Variants in GRID2IP observed in about 807,000 individuals in gnomAD.
GRID2IP encodes delphilin.
GRID2IP carries 78 observed loss-of-function variants against 114.3 expected under a neutral mutation model. The observed-to-expected ratio is 0.68, with a 90% CI of 0.57 to 0.82. GRID2IP has a LOEUF of 0.82. Ranked by LOEUF, GRID2IP falls within the 40% of genes least tolerant of loss-of-function variation. The probability of loss-of-function intolerance (pLI) is 0.00; values close to 1 mark genes in which losing one functional copy is unlikely to be tolerated. For missense variants in GRID2IP, 1,727 were observed against 1,678.5 expected, an observed-to-expected ratio of 1.03 and a Z score of -0.51; for synonymous variants, 809 against 724.0, an observed-to-expected ratio of 1.12 and a Z score of -1.89.
Position 6,508,323 on chromosome 7 carries a change from C to T in GRID2IP, c.2206G>A (p.Glu736Lys). ...SASDCISSSE[E>K]GSSLTYSSIS... ...GAGGAGTAGGTCAGGGAGCTGCCTT[C>T]TTCACTGCTGCTGATGCAGTCGCTG... The change falls in exon 13 of 22, where the codon GAA becomes AAA. Residue 736 changes from glutamate (E) to lysine (K), a missense_variant. By Grantham distance (56) the Glu-to-Lys change is moderately conservative. Coordinates refer to ENST00000457091, the MANE Select transcript of GRID2IP (RefSeq NM_001145118.2). The surrounding 1 kb of genome is among the most constrained non-coding windows in gnomAD (Gnocchi z 5.6). 1 of 1,551,292 alleles carries T rather than the reference C, an allele frequency of 6.4e-7. No homozygotes were observed. The highest frequency in any genetic ancestry group is 2.4e-5 in the East Asian group (1 of 40,912).
intron 1 of GRID2IP, among the ~76,000 whole-genome samples, chr7:6,543,439 G>T (rs1326476190): frequency 1.3e-5 from 2 of 150,200 alleles, no homozygotes; most frequent in Admixed American, 1.3e-4. Context: ...CAAATCACCA[G>T]GCCACAGACA....
intron 2 of GRID2IP, among the ~76,000 whole-genome samples, chr7:6,533,244 C>T (rs1387911661): frequency 2.0e-5 from 3 of 152,294 alleles, no homozygotes; most frequent in Non-Finnish European, 2.9e-5. Context: ...CAGTGCCCTA[C>T]TTGAGACACC....
At chr7:6,505,556 C>T (rs534995085) in intron 14 of GRID2IP, among the ~76,000 whole-genome samples, 1 of 152,146 alleles carries the variant, frequency 6.6e-6, no homozygotes, top group East Asian at 1.9e-4. Flanking sequence ...TCGGTAGAGA[C>T]AAGGGTTTCG....
rs966400424 is a variant in GRID2IP, at chr7:6,532,001, G to A, written c.585-5232C>T. On this transcript the variant is annotated intron_variant, in intron 2 of 21. Transcript: ENST00000457091. This position sits in a 1 kb window ranked among gnomAD's most constrained non-coding sequence, Gnocchi z 4.4. The stretch of plus-strand genomic sequence containing the variant: ...GGGAGCGAGTAGAGGGCCTCCCAGA[G>A]CTGCGCCTCTTGCTCTGCCAGGAGA... Among the ~76,000 whole-genome samples, 24 of 152,312 alleles carry A rather than the reference G, an allele frequency of 1.6e-4. No homozygotes were observed. Among genetic ancestry groups the A allele is most frequent in the Non-Finnish European group, 1.5e-4 (10 of 68,024 alleles).
chr7:6,525,867 C>T (rs546607922), intron 4 of GRID2IP, among the ~76,000 whole-genome samples: 13 of 152,212 alleles, frequency 8.5e-5, no homozygotes, highest in African/African-American at 2.9e-4. Flanking sequence ...GCAGCTCAGT[C>T]CTGGCTGCCC....
At position 6,534,569 on chromosome 7, in the gene GRID2IP, G is replaced by C. The variant is rs929385047; in HGVS notation, c.584+5149C>G. Among the ~76,000 whole-genome samples the C allele has an allele frequency of 5.3e-5, 8 of 152,198 alleles. No individual in the cohort carries two copies. Among genetic ancestry groups the C allele is most frequent in the African/African-American group, 1.9e-4 (8 of 41,444 alleles). Reference sequence around the variant, plus strand: ...GCAGCGCTGTCCAAGGGAACGTTCTGTGACGATGGACAAGGTCTACATCCG... The same window carrying C: ...GCAGCGCTGTCCAAGGGAACGTTCTCTGACGATGGACAAGGTCTACATCCG... On this transcript the variant is annotated intron_variant, in intron 2 of 21. Transcript: ENST00000457091. The surrounding 1 kb of genome is among the most constrained non-coding windows in gnomAD (Gnocchi z 4.5).
chr7:6,498,581 T>TC (rs1786327107), intron 20 of GRID2IP, among the ~76,000 whole-genome samples: 1 of 144,448 alleles, frequency 6.9e-6, no homozygotes, highest in Non-Finnish European at 1.5e-5. Flanking sequence ...ACTTTTTTTT[T>TC]TTTTTTTTTT....
At chr7:6,522,104 C>T (rs1050940731) in intron 4 of GRID2IP, 147 bp from the exon 5 acceptor site, 4 of 633,656 alleles carry the variant, frequency 6.3e-6, no homozygotes, top group African/African-American at 1.8e-5. Flanking sequence ...AACCTCAGCA[C>T]TTTGGGAGGC....
intron 1 of GRID2IP, among the ~76,000 whole-genome samples, chr7:6,549,282 T>C (rs1461316045): frequency 6.6e-6 from 1 of 152,214 alleles, no homozygotes; most frequent in Non-Finnish European, 1.5e-5. Context: ...CCTCTTTCCA[T>C]CCCAGCCCTG....
intron 20 of GRID2IP, among the ~76,000 whole-genome samples, 165 bp from the exon 21 acceptor site, chr7:6,498,393 T>C (rs1483547761): frequency 1.3e-5 from 2 of 151,896 alleles, no homozygotes; most frequent in Non-Finnish European, 2.9e-5. Context: ...TCAGGGACTC[T>C]AGTCCCACTG....
Position 6,501,843 on chromosome 7 carries a change from T to G in GRID2IP, c.3337A>C (p.Ile1113Leu). ...GAAATGCTCTGGCAGGCATCCTGTA[T>G]CTCGCTGATAGTGCCATGGAGGTCA... is the stretch of plus-strand genomic sequence containing the variant. The part of the protein sequence containing the change: ...LADLHGTISE[I>L]QDACQSISPS... The change falls in exon 20 of 22, where the codon ATA becomes CTA. Residue 1113 changes from isoleucine (I) to leucine (L), a missense_variant. Coordinates refer to ENST00000457091, the MANE Select transcript of GRID2IP (RefSeq NM_001145118.2). 2 of 1,551,560 alleles carry G rather than the reference T, an allele frequency of 1.3e-6. No individual in the cohort carries two copies. Among genetic ancestry groups the G allele is most frequent in the Non-Finnish European group, 1.7e-6 (2 of 1,146,986 alleles).
chr7:6,505,444 T>C (rs1583334000), intron 14 of GRID2IP, among the ~76,000 whole-genome samples: 1 of 150,344 alleles, frequency 6.7e-6, no homozygotes, highest in Non-Finnish European at 1.5e-5. Context: ...CGCGGCTCAC[T>C]GCAACCTCCA....
chr7:6,503,377 G>A (rs1045746585), intron 16 of GRID2IP, 114 bp downstream of exon 16: 6 of 1,138,130 alleles, frequency 5.3e-6, no homozygotes, highest in Non-Finnish European at 6.0e-6. Flanking sequence ...GGGACTCAGA[G>A]GCTTGGGCGC....
chr7:6,497,800 C>A lies in GRID2IP; in HGVS notation c.3610G>T (p.Gly1204Trp). Residue 1204 changes from glycine (G) to tryptophan (W), a missense_variant, in exon 22 of 22, where the codon GGG becomes TGG. Transcript: ENST00000457091. ...CACCAGGCCAGGGGTGAAACCATCC[C>A]GGAGCTGCGCAGGCCCTCCCCGGCC... ...LQAGEGLRSSGMVSPLAW is the reference protein window; with the variant it reads ...LQAGEGLRSSWMVSPLAW 6.5e-7 allele frequency: 1 copy of A among 1,550,292 alleles called. No homozygotes were observed. The highest frequency in any genetic ancestry group is 2.4e-5 in the East Asian group (1 of 40,900).
intron 20 of GRID2IP, 30 bp from the exon 21 acceptor site, chr7:6,498,258 G>GC: frequency 6.6e-7 from 1 of 1,509,896 alleles, no homozygotes; most frequent in South Asian, 1.3e-5. Flanking sequence ...GAAACAGCCA[G>GC]CCCGCTTGTG....
At chr7:6,529,955 CTCTCTCTT>C (rs1200800075) in intron 2 of GRID2IP, among the ~76,000 whole-genome samples, 1 of 97,230 alleles carries the variant, frequency 1.0e-5, no homozygotes. Context: ...CTCTCTCTCT[CTCTCTCTT>C]TTTTTTTTTT....
intron 4 of GRID2IP, among the ~76,000 whole-genome samples, chr7:6,524,629 A>AGGATC (rs1178052464): frequency 2.0e-5 from 3 of 152,036 alleles, no homozygotes; most frequent in African/African-American, 7.2e-5. Flanking sequence ...CTGAGGCAGG[A>AGGATC]GGATCCCTTA....
rs1779558744 is a variant in GRID2IP at position 6,528,527 on chromosome 7, C to T, written c.585-1758G>A. Among the ~76,000 whole-genome samples, 2 of 152,212 alleles carry T rather than the reference C, an allele frequency of 1.3e-5. No individual in the cohort carries two copies. The highest frequency in any genetic ancestry group is 4.8e-5 in the African/African-American group (2 of 41,462). The stretch of plus-strand genomic sequence containing the variant: ...GTTGCCTGTGAGGTCTCCCTGGCTG[C>T]ATCCCAAGGCCCCCTTCCCTGTTCC... On this transcript the variant is annotated intron_variant, in intron 2 of 21. Transcript: ENST00000457091. This position sits in a 1 kb window ranked among gnomAD's most constrained non-coding sequence, Gnocchi z 6.0.
At chr7:6,550,709 A>G (rs946190302) in intron 1 of GRID2IP, among the ~76,000 whole-genome samples, 1 of 151,432 alleles carries the variant, frequency 6.6e-6, no homozygotes, top group East Asian at 1.9e-4. Flanking sequence ...AACGCCTGTA[A>G]TCTCAATTAC....
Sources: allele counts gnomAD v4.1 joint callset (sites outside exome capture counted in the v4.1 genomes callset), GRCh38; gene constraint gnomAD v4.1.1; non-coding constraint Gnocchi (gnomAD v3.1); transcripts MANE v1.5; gene names NCBI Gene and HGNC (gene_info 2026-07-23, HGNC 2026-07-21).